The following NUP160 variants were observed in gnomAD, a reference collection of about 807,000 sequenced individuals.
NUP160 encodes nuclear pore complex protein Nup160.
NUP160 carries 94 observed loss-of-function variants against 196.9 expected under a neutral mutation model. The ratio of observed to expected loss-of-function variants is 0.48; its 90% confidence interval spans 0.40 to 0.57. The LOEUF (loss-of-function observed/expected upper bound fraction) is 0.57, where lower values mean the gene tolerates loss of function less well. NUP160 is among the 20% of genes least tolerant of loss of function. The pLI is 0.00. For missense variants in NUP160, 1,638 were observed against 1,748.3 expected, an observed-to-expected ratio of 0.94 and a Z score of 1.13; for synonymous variants, 605 against 619.7, an observed-to-expected ratio of 0.98 and a Z score of 0.35.
intron 4 of NUP160, 96 bp downstream of exon 4, chr11:47,839,747 A>C: frequency 4.0e-6 from 4 of 1,007,716 alleles, no homozygotes; most frequent in Non-Finnish European, 4.7e-6. Context: ...CCGGGGCAGT[A>C]GAGATGCAAT....
At chr11:47,841,948 C>T (rs187300826) in intron 2 of NUP160, among the ~76,000 whole-genome samples, 35 of 152,112 alleles carry the variant, frequency 2.3e-4, no homozygotes, top group African/African-American at 7.5e-4. Flanking sequence ...CTACCTGCCT[C>T]GGCCTCCCAA....
At chr11:47,813,902 T>C (rs2097682601) in intron 13 of NUP160, among the ~76,000 whole-genome samples, 1 of 151,228 alleles carries the variant, frequency 6.6e-6, no homozygotes, top group South Asian at 2.1e-4. Context: ...AAACCCCGTC[T>C]CTACTAAAAA....
In NUP160 at chr11:47,785,073, A is replaced by C. The variant is rs768868483; in HGVS notation, c.3849-10T>G. ...TGCTTCATCTGTAGCACTTGAAAAA[A>C]ACAAAAATGACTAATGAGTTTCAGA... On this transcript the variant is annotated splice_polypyrimidine_tract_variant and intron_variant, in intron 32 of 35. Transcript: ENST00000378460. The C allele has an allele frequency of 5.7e-6, 8 of 1,398,986 alleles. No homozygotes were observed. In the South Asian group the frequency reaches 1.0e-4, roughly 18 times the overall value. 86.7% of individuals were successfully genotyped at this position (1,398,986 alleles called of 1,614,324 possible).
rs1365980906 is a variant in NUP160 at position 47,783,523 on chromosome 11, C to G, written c.3991-325G>C. ...TCAGTTTCCACAGTTGTAAAGTCAA[C>G]AAACTTTTCCTGAACACTAAAGTGA... On this transcript the variant is annotated intron_variant, in intron 33 of 35. Coordinates refer to ENST00000378460, the Ensembl canonical transcript of NUP160. Among the ~76,000 whole-genome samples, 4 of 152,254 alleles carry G rather than the reference C, an allele frequency of 2.6e-5. No individual in the cohort carries two copies. In the South Asian group the frequency reaches 6.2e-4, roughly 24 times the overall value.
chr11:47,847,006 A>C (rs1359192870), intron 2 of NUP160, among the ~76,000 whole-genome samples: 1 of 152,168 alleles, frequency 6.6e-6, no homozygotes, highest in Admixed American at 6.5e-5. Context: ...ATTATTACTC[A>C]ATGTACTTAG....
chr11:47,821,377 A>AC (rs1851853283), intron 9 of NUP160: 1 of 50,974 alleles, frequency 2.0e-5, no homozygotes, highest in Non-Finnish European at 3.6e-5. Context: ...TTTTTTTTTG[A>AC]GATAGAGTCT....
At chr11:47,779,105 T>C in exon 36 of NUP160, 1 of 1,611,852 alleles carries the variant, frequency 6.2e-7, no homozygotes, top group Non-Finnish European at 8.5e-7. Flanking sequence ...ACAATCCAAA[T>C]CACAAGGTCC....
At chr11:47,824,487 G>A (rs117808710) in intron 7 of NUP160, among the ~76,000 whole-genome samples, 1 of 151,926 alleles carries the variant, frequency 6.6e-6, no homozygotes, top group East Asian at 1.9e-4. Flanking sequence ...GCACGTACCT[G>A]TAGTCCCAGC....
At position 47,812,227 on chromosome 11, in the gene NUP160, G is replaced by A; in HGVS notation, c.2081-3C>T. ...CATTCGAATATTCAAAGGCTGAGCT[G>A]TAAAAAGAAGAAAAATGGAGTTGAA... On this transcript the variant is annotated splice_polypyrimidine_tract_variant and splice_region_variant and intron_variant, in intron 16 of 35. Coordinates refer to ENST00000378460, the Ensembl canonical transcript of NUP160. 4.3e-6 allele frequency: 7 copies of A among 1,613,868 alleles called. No individual in the cohort carries two copies. Among genetic ancestry groups the A allele is most frequent in the Non-Finnish European group, 5.9e-6 (7 of 1,179,834 alleles).
At chr11:47,829,895 T>C (rs1852040670) in intron 7 of NUP160, among the ~76,000 whole-genome samples, 2 of 152,156 alleles carry the variant, frequency 1.3e-5, no homozygotes, top group Non-Finnish European at 2.9e-5. Flanking sequence ...TAAAAGCTTC[T>C]GCACAGTAAA....
At chr11:47,835,884 G>C in intron 6 of NUP160, 75 bp from the exon 7 acceptor site, 3 of 1,167,068 alleles carry the variant, frequency 2.6e-6, no homozygotes, top group Non-Finnish European at 3.6e-6. Context: ...TGAAAGGATG[G>C]ACCTTTCATT....
chr11:47,838,857 A>G (rs1682270667), intron 4 of NUP160, among the ~76,000 whole-genome samples: 1 of 151,930 alleles, frequency 6.6e-6, no homozygotes, highest in South Asian at 2.1e-4. Flanking sequence ...TACAAAAATT[A>G]GCTGGGTATG....
At chr11:47,788,384 T>C in intron 30 of NUP160, 79 bp from the exon 31 acceptor site, 1 of 1,577,682 alleles carries the variant, frequency 6.3e-7, no homozygotes, top group South Asian at 1.1e-5. Context: ...TGTTGATGAG[T>C]ATCTCTGAGT....
chr11:47,847,839 A>C lies in NUP160; in HGVS notation c.314+9T>G. On this transcript the variant is annotated intron_variant, in intron 2 of 35. Coordinates refer to ENST00000378460, the Ensembl canonical transcript of NUP160. ...CTTCCAGGGGAGTTTGGCGAACCAC[A>C]ACACTTACCAATGAATGAACCTGTT... is the stretch of plus-strand genomic sequence containing the variant. 1 of 1,600,902 alleles carries C rather than the reference A, an allele frequency of 6.2e-7. No homozygotes were observed. The highest frequency in any genetic ancestry group is 1.3e-5 in the African/African-American group (1 of 74,812).
At chr11:47,840,025 T>A (rs1409170196) in exon 4 of NUP160, 1 of 1,613,988 alleles carries the variant, frequency 6.2e-7, no homozygotes, top group Non-Finnish European at 8.5e-7. Flanking sequence ...TTTTCCAATG[T>A]CAGTGAATAT....
At chr11:47,797,997 T>C (rs1298570725) in exon 26 of NUP160, 7 of 1,576,994 alleles carry the variant, frequency 4.4e-6, no homozygotes, top group Admixed American at 1.8e-5. Flanking sequence ...CAGATTCACA[T>C]AGGGAAACTC....
At chr11:47,806,426 GA>G (rs2097677667) in intron 19 of NUP160, 114 bp from the exon 20 acceptor site, 1 of 767,618 alleles carries the variant, frequency 1.3e-6, no homozygotes, top group Non-Finnish European at 2.1e-6. Flanking sequence ...CTTCAAAACA[GA>G]AAATGTATCA....
intron 20 of NUP160, 48 bp downstream of exon 20, chr11:47,806,105 T>C (rs770454369): frequency 1.0e-5 from 16 of 1,584,030 alleles, no homozygotes; most frequent in African/African-American, 1.3e-5. Flanking sequence ...TGAGCCAACA[T>C]GCCCGGCCAG....
At position 47,848,287 on chromosome 11, in the gene NUP160, A is replaced by G. The variant is rs773176768; in HGVS notation, c.134T>C (p.Phe45Ser). Residue 45 changes from phenylalanine to serine, a missense_variant, in exon 1 of 36, where the codon TTC becomes TCC. Around this residue, in one of 3 missense-constraint regions of NUP160, gnomAD observed 287 missense variants for 259.5 expected, o/e 1.11. Coordinates refer to ENST00000378460, the Ensembl canonical transcript of NUP160. Reference sequence around the variant, plus strand: ...GCGCTCAGCTCCGCTTAGCTCCACGAAGCTCCGTTCCAGGGCTCCCGCCGC... The same window carrying G: ...GCGCTCAGCTCCGCTTAGCTCCACGGAGCTCCGTTCCAGGGCTCCCGCCGC... 3.0e-5 allele frequency: 48 copies of G among 1,614,020 alleles called. No individual in the cohort carries two copies. Among genetic ancestry groups the G allele is most frequent in the Non-Finnish European group, 3.7e-5 (44 of 1,180,032 alleles).
Sources: allele counts gnomAD v4.1 joint callset (sites outside exome capture counted in the v4.1 genomes callset), GRCh38; gene constraint gnomAD v4.1.1; regional missense constraint gnomAD v4.1.1; transcripts MANE v1.5; gene names NCBI Gene and HGNC (gene_info 2026-07-23, HGNC 2026-07-21).